Variants in RPS6KA2 observed in about 807,000 individuals in gnomAD.
The protein encoded by RPS6KA2 is ribosomal protein S6 kinase alpha-2.
Under a neutral mutation model 91.8 loss-of-function variants are expected in RPS6KA2, and 42 were observed. The observed-to-expected ratio is 0.46, with a 90% CI of 0.36 to 0.59. The LOEUF is 0.59. Among genes scored for constraint, RPS6KA2 ranks in the 20% least tolerant of loss-of-function variants. The pLI, the probability that RPS6KA2 is intolerant of heterozygous loss-of-function variation, is 0.00. For missense variants in RPS6KA2, 798 were observed against 978.5 expected (o/e 0.82, Z 2.46); for synonymous variants, 414 against 393.6 (o/e 1.05, Z -0.61).
At chr6:166,818,081 C>T (rs1482986930) in intron 2 of RPS6KA2, among the ~76,000 whole-genome samples, 1 of 152,062 alleles carries the variant, frequency 6.6e-6, no homozygotes, top group Non-Finnish European at 1.5e-5. Context: ...ATCACTATTT[C>T]AGTGTGTTTC....
intron 1 of RPS6KA2, among the ~76,000 whole-genome samples, chr6:166,585,418 T>A (rs959140762): frequency 1.3e-5 from 2 of 152,272 alleles, no homozygotes; most frequent in Admixed American, 1.3e-4. Context: ...AATTTTCACA[T>A]TTACTTATAA....
At chr6:166,743,669 C>T (rs1790882981) in intron 2 of RPS6KA2, among the ~76,000 whole-genome samples, 1 of 152,378 alleles carries the variant, frequency 6.6e-6, no homozygotes, top group East Asian at 1.9e-4. Flanking sequence ...CATTTTAGGA[C>T]ATTTTTATGC....
intron 2 of RPS6KA2, among the ~76,000 whole-genome samples, chr6:166,768,070 A>G (rs1778369173): frequency 6.6e-6 from 1 of 152,228 alleles, no homozygotes; most frequent in Non-Finnish European, 1.5e-5. Context: ...AGTCCCACCC[A>G]ATCGACAGAT....
chr6:166,680,100 C>G (rs116805845), intron 2 of RPS6KA2, among the ~76,000 whole-genome samples: 1 of 151,778 alleles, frequency 6.6e-6, no homozygotes, highest in East Asian at 1.9e-4. Context: ...GTCTAGCTAA[C>G]GGTTTGTAAA....
At chr6:166,461,923 T>C (rs926723036) in intron 11 of RPS6KA2, among the ~76,000 whole-genome samples, 9 of 152,124 alleles carry the variant, frequency 5.9e-5, no homozygotes, top group African/African-American at 1.9e-4. Flanking sequence ...TGCTTCTTCA[T>C]AGAGGGGTTT....
At chr6:166,527,979 T>A (rs1783127468) in intron 3 of RPS6KA2, among the ~76,000 whole-genome samples, 1 of 152,244 alleles carries the variant, frequency 6.6e-6, no homozygotes, top group Non-Finnish European at 1.5e-5. Flanking sequence ...TTTCCCTTTT[T>A]TGGCTACTGT....
intron 1 of RPS6KA2, among the ~76,000 whole-genome samples, chr6:166,539,926 T>A (rs1247108122): frequency 6.6e-6 from 1 of 152,228 alleles, no homozygotes; most frequent in East Asian, 1.9e-4. Context: ...GGTGAGGGGC[T>A]GAAAAACTTC....
chr6:166,767,106 C>A lies in RPS6KA2; in HGVS notation c.123+91094G>T, dbSNP rs1382931608. On this transcript the variant is annotated intron_variant, in intron 2 of 21. Coordinates refer to the RPS6KA2 transcript ENST00000503859. This position sits in a 1 kb window ranked among gnomAD's most constrained non-coding sequence, Gnocchi z 4.6. ...GCCCTAGCAAAGAGGAAGGGCTCAGCTACCTGTGGGAAAAGCCAGCTCCAC... is the reference window on the plus strand; with the variant it reads ...GCCCTAGCAAAGAGGAAGGGCTCAGATACCTGTGGGAAAAGCCAGCTCCAC... Among the ~76,000 whole-genome samples, 1 of 152,218 alleles carries A rather than the reference C, an allele frequency of 6.6e-6. No homozygotes were observed. Among genetic ancestry groups the A allele is most frequent in the Non-Finnish European group, 1.5e-5 (1 of 68,048 alleles).
intron 2 of RPS6KA2, among the ~76,000 whole-genome samples, chr6:166,727,305 T>C (rs1311580726): frequency 6.8e-6 from 1 of 146,498 alleles, no homozygotes; most frequent in Non-Finnish European, 1.5e-5. Context: ...TTATAGATCA[T>C]ACTTAAACAA....
chr6:166,759,899 A>G (rs778616111), intron 2 of RPS6KA2, among the ~76,000 whole-genome samples: 17 of 152,180 alleles, frequency 1.1e-4, no homozygotes, highest in South Asian at 2.1e-4. Flanking sequence ...GTGAAGCCCT[A>G]CTGCAGGGGA....
chr6:166,775,961 C>T (rs998090243), intron 2 of RPS6KA2, among the ~76,000 whole-genome samples: 1 of 152,186 alleles, frequency 6.6e-6, no homozygotes, highest in East Asian at 1.9e-4. Flanking sequence ...AGGGCCAGAA[C>T]TGGAAGTGAG....
chr6:166,828,577 A>C (rs115429579), intron 2 of RPS6KA2, among the ~76,000 whole-genome samples: 2,464 of 152,348 alleles, frequency 0.016, 67 homozygotes, highest in African/African-American at 0.056. Context: ...GTGCCTTAAA[A>C]GTGGTATCAC....
chr6:166,544,518 G>A (rs1037750847), intron 1 of RPS6KA2: 18 of 152,230 alleles, frequency 1.2e-4, no homozygotes, highest in East Asian at 1.9e-4. Context: ...TTACTAAAAC[G>A]AAATAAAAAT....
intron 2 of RPS6KA2, among the ~76,000 whole-genome samples, chr6:166,824,978 C>T (rs548376884): frequency 6.6e-5 from 10 of 152,338 alleles, no homozygotes; most frequent in South Asian, 2.1e-4. Flanking sequence ...TCACCCTGTC[C>T]GGGGTGCTAA....
Position 166,732,400 on chromosome 6 carries a change from T to G in RPS6KA2, c.123+125800A>C, listed in dbSNP as rs1313460197. Among the ~76,000 whole-genome samples, 1 of 152,212 alleles carries G rather than the reference T, an allele frequency of 6.6e-6. No homozygotes were observed. Among genetic ancestry groups the G allele is most frequent in the Non-Finnish European group, 1.5e-5 (1 of 68,042 alleles). Reference sequence around the variant, plus strand: ...ATTATTGGAGGCTGTTGGAGAGAGCTGGGTCACCAAGCCGCACAGCCCAGG... The same window carrying G: ...ATTATTGGAGGCTGTTGGAGAGAGCGGGGTCACCAAGCCGCACAGCCCAGG... On this transcript the variant is annotated intron_variant, in intron 2 of 21. Coordinates refer to the RPS6KA2 transcript ENST00000503859. The surrounding 1 kb of genome is among the most constrained non-coding windows in gnomAD (Gnocchi z 4.0).
In RPS6KA2 at chr6:166,641,348, A is replaced by C. The variant is rs113069714; in HGVS notation, c.124-102564T>G. On this transcript the variant is annotated intron_variant, in intron 2 of 21. Transcript: ENST00000503859. ...AGGAAGGTTGAAGCATTACAAGAAA[A>C]CAAGAGATTATAAAATGACCAAGCA... 2.1e-3 allele frequency among the ~76,000 whole-genome samples: 322 copies of C among 152,306 alleles called. 1 individual carries two copies. The highest frequency in any genetic ancestry group is 7.0e-3 in the African/African-American group (289 of 41,558).
intron 1 of RPS6KA2, among the ~76,000 whole-genome samples, chr6:166,550,796 A>T (rs1460240627): frequency 6.6e-6 from 1 of 152,050 alleles, no homozygotes; most frequent in Non-Finnish European, 1.5e-5. Context: ...AGGTCAGGAG[A>T]TCGACACCAT....
intron 14 of RPS6KA2, among the ~76,000 whole-genome samples, chr6:166,444,376 C>G (rs1478808715): frequency 6.6e-6 from 1 of 152,204 alleles, no homozygotes; most frequent in African/African-American, 2.4e-5. Flanking sequence ...TCGCCCACCA[C>G]TAGTCTCCCT....
intron 17 of RPS6KA2, among the ~76,000 whole-genome samples, chr6:166,422,812 A>G (rs1239253353): frequency 6.6e-6 from 1 of 152,106 alleles, no homozygotes; most frequent in Non-Finnish European, 1.5e-5. Context: ...CTGTCGGGGA[A>G]CCAATCTGGA....
Sources: allele counts gnomAD v4.1 joint callset (sites outside exome capture counted in the v4.1 genomes callset), GRCh38; gene constraint gnomAD v4.1.1; non-coding constraint Gnocchi (gnomAD v3.1); transcripts MANE v1.5; gene names NCBI Gene and HGNC (gene_info 2026-07-23, HGNC 2026-07-21).